ITGA9: variants seen among roughly 807,000 people sequenced by gnomAD.
ITGA9 encodes the protein integrin subunit alpha 9.
A neutral mutation model predicts 127.8 loss-of-function variants in ITGA9; 56 were observed. The observed-to-expected ratio is 0.44, with a 90% CI of 0.35 to 0.55. The LOEUF (loss-of-function observed/expected upper bound fraction) is 0.55. Among genes scored for constraint, ITGA9 ranks in the 20% least tolerant of loss-of-function variants. The probability of loss-of-function intolerance (pLI) is 0.00; values close to 1 mark genes in which losing one functional copy is unlikely to be tolerated. For missense variants in ITGA9, 1,196 were observed against 1,347.1 expected, an observed-to-expected ratio of 0.89 and a Z score of 1.76; for synonymous variants, 508 against 514.5, an observed-to-expected ratio of 0.99 and a Z score of 0.17.
At chr3:37,755,726 A>G (rs1462424502) in intron 23 of ITGA9, among the ~76,000 whole-genome samples, 1 of 152,220 alleles carries the variant, frequency 6.6e-6, no homozygotes, top group African/African-American at 2.4e-5. Context: ...TTAAATAGCA[A>G]TCTGGAATGA....
chr3:37,809,084 T>G (rs1697334450), intron 27 of ITGA9, among the ~76,000 whole-genome samples: 1 of 148,504 alleles, frequency 6.7e-6, no homozygotes, highest in African/African-American at 2.5e-5. Flanking sequence ...GGGCAAAATC[T>G]TTTCTTTTTT....
At chr3:37,657,352 C>T (rs1251381502) in intron 17 of ITGA9, among the ~76,000 whole-genome samples, 1 of 152,116 alleles carries the variant, frequency 6.6e-6, no homozygotes, top group Non-Finnish European at 1.5e-5. Context: ...CTATTAATTA[C>T]TACCTCAATT....
At position 37,452,687 on chromosome 3, in the gene ITGA9, G is replaced by A; in HGVS notation, c.185+128G>A. The A allele has an allele frequency of 1.2e-6, 1 of 815,822 alleles. No individual in the cohort carries two copies. The highest frequency in any genetic ancestry group is 1.7e-6 in the Non-Finnish European group (1 of 584,418). The allele number at this position is 815,822 out of a possible 1,614,324, so 50.5% of individuals were successfully genotyped here. On this transcript the variant is annotated intron_variant, in intron 1 of 27. Transcript: ENST00000264741. This position sits in a 1 kb window ranked among gnomAD's most constrained non-coding sequence, Gnocchi z 7.3. ...CCGAGGGGGCGATTTAAATGTCTCC[G>A]TTGCGCGCGGCTCGGCCGCCGGGGG... is the stretch of plus-strand genomic sequence containing the variant.
At chr3:37,792,668 C>T (rs1424076396) in intron 26 of ITGA9, among the ~76,000 whole-genome samples, 1 of 152,164 alleles carries the variant, frequency 6.6e-6, no homozygotes, top group Non-Finnish European at 1.5e-5. Flanking sequence ...CCATTGAAAG[C>T]TTCTGTTTGG....
Position 37,452,441 on chromosome 3 carries a change from G to C in ITGA9, c.67G>C (p.Ala23Pro). 6.8e-7 allele frequency: 1 copy of C among 1,477,638 alleles called. No individual in the cohort carries two copies. The highest frequency in any genetic ancestry group is 9.0e-7 in the Non-Finnish European group (1 of 1,113,010). 91.5% of individuals were successfully genotyped at this position (1,477,638 alleles called of 1,614,324 possible). The change falls in exon 1 of 28, where the codon GCG becomes CCG. Residue 23 changes from alanine (A) to proline (P), a missense_variant. By Grantham distance (27) the Ala-to-Pro change is conservative (BLOSUM62 -1). Transcript: ENST00000264741. This position sits in a 1 kb window ranked among gnomAD's most constrained non-coding sequence, Gnocchi z 7.3. ...LRALLLALVV[A>P]GIPAGAYNLD... ...CGCGCTGCTGCTGGCGCTGGTGGTCGCGGGGATCCCCGCGGGCGCCTACAA... is the reference window on the plus strand; with the variant it reads ...CGCGCTGCTGCTGGCGCTGGTGGTCCCGGGGATCCCCGCGGGCGCCTACAA...
intron 6 of ITGA9, among the ~76,000 whole-genome samples, chr3:37,505,455 A>G (rs544305550): frequency 6.6e-6 from 1 of 152,382 alleles, no homozygotes; most frequent in South Asian, 2.1e-4. Flanking sequence ...ACTGTACTCA[A>G]CGATGTGGAT....
chr3:37,785,013 A>G lies in ITGA9; in HGVS notation c.2824A>G (p.Lys942Glu). 6.2e-7 allele frequency: 1 copy of G among 1,614,098 alleles called. No homozygotes were observed. The highest frequency in any genetic ancestry group is 2.2e-5 in the East Asian group (1 of 44,880). Residue 942 changes from lysine to glutamate, a missense_variant, in exon 26 of 28, where the codon AAG (lysine) becomes GAG (glutamate). Coordinates refer to ENST00000264741, the MANE Select transcript of ITGA9 (RefSeq NM_002207.3). ...SSVIQFMSRA[K>E]VKVDPALRVV... ...TGTCATCCAGTTCATGTCCCGCGCC[A>G]AGGTGAAGGTGGATCCTGCCCTAAG... is the stretch of plus-strand genomic sequence containing the variant.
At chr3:37,655,452 A>G (rs1183465767) in intron 17 of ITGA9, among the ~76,000 whole-genome samples, 1 of 152,180 alleles carries the variant, frequency 6.6e-6, no homozygotes, top group African/African-American at 2.4e-5. Flanking sequence ...ACCAATGATG[A>G]TGAGCATTTT....
At chr3:37,571,480 G>T (rs183856053) in intron 15 of ITGA9, among the ~76,000 whole-genome samples, 2 of 152,318 alleles carry the variant, frequency 1.3e-5, no homozygotes, top group Admixed American at 6.5e-5. Context: ...GAGCCCTCTT[G>T]TGGTCCCATC....
At chr3:37,548,295 T>A (rs1699346970) in intron 15 of ITGA9, among the ~76,000 whole-genome samples, 1 of 152,108 alleles carries the variant, frequency 6.6e-6, no homozygotes, top group Admixed American at 6.6e-5. Flanking sequence ...GGCCAGGGTT[T>A]GGGGGAAGGG....
chr3:37,819,685 C>T lies in ITGA9; in HGVS notation c.*696C>T, dbSNP rs1697488212. 1 of 152,284 alleles carries T rather than the reference C, an allele frequency of 6.6e-6. No homozygotes were observed. Among genetic ancestry groups the T allele is most frequent in the Admixed American group, 6.5e-5 (1 of 15,272 alleles). The allele number at this position is 152,284 out of a possible 1,614,324, so 9.4% of individuals were successfully genotyped here. ...ATATGTACTTTTCATTGGAAGATTCCCAACAAGAATTTGGATGGAAAACCT... is the reference window on the plus strand; with the variant it reads ...ATATGTACTTTTCATTGGAAGATTCTCAACAAGAATTTGGATGGAAAACCT... On this transcript the variant is annotated 3_prime_UTR_variant, in exon 28 of 28. Transcript: ENST00000264741.
intron 17 of ITGA9, among the ~76,000 whole-genome samples, chr3:37,664,237 C>T (rs764778485): frequency 6.6e-6 from 1 of 151,974 alleles, no homozygotes; most frequent in Non-Finnish European, 1.5e-5. Context: ...CTTTGAAAGC[C>T]CCAATCCAGA....
intron 11 of ITGA9, among the ~76,000 whole-genome samples, chr3:37,521,071 C>T (rs534483821): frequency 2.0e-5 from 3 of 152,158 alleles, no homozygotes; most frequent in African/African-American, 2.4e-5. Flanking sequence ...TTTGTCAGCA[C>T]GCAGGCTGGC....
chr3:37,635,054 T>C (rs1700264676), intron 16 of ITGA9, among the ~76,000 whole-genome samples: 1 of 152,118 alleles, frequency 6.6e-6, no homozygotes, highest in Non-Finnish European at 1.5e-5. Context: ...CAAATGAAAA[T>C]GGAAACACAG....
intron 2 of ITGA9, 93 bp from the exon 3 acceptor site, chr3:37,473,261 T>G: frequency 1.1e-6 from 1 of 889,728 alleles, no homozygotes; most frequent in Non-Finnish European, 1.9e-6. Context: ...GGAAAGTTCC[T>G]TATTTCCTCA....
intron 1 of ITGA9, among the ~76,000 whole-genome samples, chr3:37,456,163 G>C (rs912183711): frequency 1.3e-5 from 2 of 152,190 alleles, no homozygotes; most frequent in African/African-American, 4.8e-5. Context: ...GCTCTGGGCA[G>C]TGAGAACTGT....
intron 15 of ITGA9, among the ~76,000 whole-genome samples, chr3:37,572,468 A>G (rs916948577): frequency 1.3e-5 from 2 of 152,154 alleles, no homozygotes; most frequent in Non-Finnish European, 2.9e-5. Context: ...TAAGCCAGTG[A>G]TGTGACCTCC....
At chr3:37,744,075 C>T (rs369490983) in intron 22 of ITGA9, 41 bp downstream of exon 22, 32 of 1,295,700 alleles carry the variant, frequency 2.5e-5, no homozygotes, top group African/African-American at 1.5e-4. Flanking sequence ...TGGGGGCTAA[C>T]GGAAGGGCAC....
intron 27 of ITGA9, among the ~76,000 whole-genome samples, chr3:37,809,483 A>G (rs1260915745): frequency 1.3e-5 from 2 of 152,202 alleles, no homozygotes; most frequent in East Asian, 3.8e-4. Context: ...AGTGTCATAG[A>G]TAAAATCACA....
Sources: gnomAD v4.1 joint callset for allele counts (sites outside exome capture counted in the v4.1 genomes callset) on GRCh38, gnomAD v4.1.1 for gene constraint, Gnocchi (gnomAD v3.1) non-coding constraint, MANE v1.5 for transcripts, NCBI Gene and HGNC (gene_info 2026-07-23, HGNC 2026-07-21) for gene names.